Variants in MKLN1 observed in about 807,000 individuals in gnomAD.
MKLN1 encodes muskelin 1.
MKLN1 carries 18 observed loss-of-function variants against 99.0 expected under a neutral mutation model. That is an observed-to-expected ratio of 0.18 (90% CI 0.13 to 0.27). The LOEUF (loss-of-function observed/expected upper bound fraction) is 0.27. Ranked by LOEUF, MKLN1 falls within the 10% of genes least tolerant of loss-of-function variation. The pLI is 1.00. For missense variants in MKLN1, 621 were observed against 875.9 expected, an observed-to-expected ratio of 0.71 and a Z score of 3.67; for synonymous variants, 288 against 293.2, an observed-to-expected ratio of 0.98 and a Z score of 0.18.
At chr7:131,298,739 A>T (rs539944365) in intron 3 of MKLN1, among the ~76,000 whole-genome samples, 1 of 152,248 alleles carries the variant, frequency 6.6e-6, no homozygotes, top group East Asian at 1.9e-4. Context: ...TGTTGCCCTC[A>T]TGTTGCAGGT....
intron 3 of MKLN1, among the ~76,000 whole-genome samples, chr7:131,213,521 A>G (rs1211887996): frequency 2.6e-5 from 4 of 152,208 alleles, no homozygotes; most frequent in Non-Finnish European, 5.9e-5. Flanking sequence ...TGGACTAGAT[A>G]ATTCTTTGCT....
chr7:131,414,436 G>A (rs1175137088), intron 7 of MKLN1, among the ~76,000 whole-genome samples: 7 of 152,004 alleles, frequency 4.6e-5, no homozygotes, highest in Admixed American at 2.0e-4. Flanking sequence ...GTTCATTAAT[G>A]TCCTGAAAGC....
intron 11 of MKLN1, 74 bp downstream of exon 11, chr7:131,443,776 C>T: frequency 8.7e-7 from 1 of 1,151,410 alleles, no homozygotes; most frequent in East Asian, 2.4e-5. Flanking sequence ...GTGGTGAAAT[C>T]TAATTCTTTA....
chr7:131,387,461 T>A (rs1330491367), intron 3 of MKLN1, among the ~76,000 whole-genome samples, 199 bp downstream of exon 3: 1 of 152,198 alleles, frequency 6.6e-6, no homozygotes, highest in Non-Finnish European at 1.5e-5. Context: ...CAACAGACCC[T>A]AGTTAATATT....
intron 3 of MKLN1, among the ~76,000 whole-genome samples, chr7:131,209,072 G>A (rs1012513806): frequency 3.9e-5 from 6 of 152,176 alleles, no homozygotes; most frequent in Non-Finnish European, 7.3e-5. Flanking sequence ...ACTCTACGTG[G>A]AGAGAACAGA....
intron 10 of MKLN1, among the ~76,000 whole-genome samples, chr7:131,441,878 C>T (rs1795851105): frequency 6.6e-6 from 1 of 152,140 alleles, no homozygotes; most frequent in Non-Finnish European, 1.5e-5. Flanking sequence ...ATGTGAGTCC[C>T]TAAAGATTTT....
chr7:131,126,684 G>C (rs969820054), intron 1 of MKLN1, among the ~76,000 whole-genome samples: 3 of 152,176 alleles, frequency 2.0e-5, no homozygotes, highest in Non-Finnish European at 4.4e-5. Context: ...CTCCCAAGTA[G>C]CTGGAGTTAC....
At chr7:131,347,407 T>C (rs911965236) in intron 1 of MKLN1, among the ~76,000 whole-genome samples, 13 of 152,096 alleles carry the variant, frequency 8.5e-5, no homozygotes, top group African/African-American at 3.1e-4. Flanking sequence ...GAGAAACCTG[T>C]ATGGCAGGAA....
chr7:131,232,442 T>C (rs777928978), intron 3 of MKLN1, among the ~76,000 whole-genome samples: 18 of 152,174 alleles, frequency 1.2e-4, no homozygotes, highest in African/African-American at 1.7e-4. Context: ...GGGTTTTATA[T>C]ATATAAACTG....
At chr7:131,342,657 T>C (rs1799442589) in intron 1 of MKLN1, among the ~76,000 whole-genome samples, 1 of 152,186 alleles carries the variant, frequency 6.6e-6, no homozygotes. Flanking sequence ...GACATAGATT[T>C]TTGAAAAGCT....
At chr7:131,289,650 C>T (rs1336195022) in intron 3 of MKLN1, among the ~76,000 whole-genome samples, 2 of 152,178 alleles carry the variant, frequency 1.3e-5, no homozygotes, top group Non-Finnish European at 2.9e-5. Flanking sequence ...CACTTGATTG[C>T]TGTGTCATTT....
At chr7:131,283,479 G>C (rs1008085671) in intron 3 of MKLN1, among the ~76,000 whole-genome samples, 1 of 146,150 alleles carries the variant, frequency 6.8e-6, no homozygotes, top group Non-Finnish European at 1.5e-5. Flanking sequence ...GCCCAAAACA[G>C]GCTGGAGTAC....
chr7:131,362,938 T>A (rs1563311925), intron 1 of MKLN1, among the ~76,000 whole-genome samples: 2 of 152,046 alleles, frequency 1.3e-5, no homozygotes. Flanking sequence ...GAATTATTGC[T>A]TCTTAATAAA....
intron 3 of MKLN1, among the ~76,000 whole-genome samples, chr7:131,223,686 T>C (rs1319732088): frequency 2.0e-5 from 3 of 152,222 alleles, no homozygotes; most frequent in East Asian, 1.9e-4. Context: ...CTGGAACTGA[T>C]AGCGAATTCT....
chr7:131,137,175 G>A (rs1229644709), intron 1 of MKLN1, among the ~76,000 whole-genome samples: 1 of 152,094 alleles, frequency 6.6e-6, no homozygotes, highest in Non-Finnish European at 1.5e-5. Context: ...TCTATCCTGT[G>A]CATCTAGAAT....
rs375317109 is a variant in MKLN1 at position 131,222,860 on chromosome 7, C to CAA, written c.-179+19902_-179+19903dup. ...GGTAAAATCCTCTTTGCTAAAAATACAAAAAAAAAAAAAAAAAGAAAGAAA... is the reference window on the plus strand; with the variant it reads ...GGTAAAATCCTCTTTGCTAAAAATACAAAAAAAAAAAAAAAAAAAGAAAGAAA... On this transcript the variant is annotated intron_variant, in intron 3 of 7. Transcript: ENST00000416992. Among the ~76,000 whole-genome samples, 378 of 88,596 alleles carry CAA rather than the reference C, an allele frequency of 4.3e-3. 1 individual carries two copies. The highest frequency in any genetic ancestry group is 0.018 in the Middle Eastern group (3 of 170). The allele number at this position is 88,596 out of a possible 152,430, so 58.1% of individuals were successfully genotyped here. A position where few individuals can be genotyped will look rare whatever the true frequency, so the allele number is the denominator to read the frequency against.
intron 6 of MKLN1, among the ~76,000 whole-genome samples, chr7:131,399,931 T>C (rs551374009): frequency 1.3e-5 from 2 of 152,178 alleles, no homozygotes; most frequent in Non-Finnish European, 2.9e-5. Context: ...GAAATGTGAA[T>C]AGTTGAACAT....
At chr7:131,118,872 G>A (rs894263897) in intron 1 of MKLN1, among the ~76,000 whole-genome samples, 3 of 152,170 alleles carry the variant, frequency 2.0e-5, no homozygotes, top group African/African-American at 7.2e-5. Context: ...CCAGGTCCCT[G>A]CCCTAACATT....
chr7:131,359,934 A>G (rs993363396), intron 1 of MKLN1, among the ~76,000 whole-genome samples: 5 of 152,014 alleles, frequency 3.3e-5, no homozygotes, highest in African/African-American at 4.8e-5. Context: ...AAATTAAAAC[A>G]TGTACTTTTT....
Sources: allele counts gnomAD v4.1 joint callset (sites outside exome capture counted in the v4.1 genomes callset), GRCh38; gene constraint gnomAD v4.1.1; transcripts MANE v1.5; gene names NCBI Gene and HGNC (gene_info 2026-07-23, HGNC 2026-07-21).